ELP1: variants seen among roughly 807,000 people sequenced by gnomAD.
ELP1 encodes the protein elongator acetyltransferase complex subunit 1, also known as elongator complex protein 1.
Under a neutral mutation model 183.2 loss-of-function variants are expected in ELP1, and 131 were observed. That is an observed-to-expected ratio of 0.72 (90% CI 0.62 to 0.83). The LOEUF is 0.83. ELP1 is among the 40% of genes least tolerant of loss of function. ELP1 has a pLI of 0.00. For synonymous variants in ELP1, 555 were observed against 569.0 expected (o/e 0.98, Z 0.35); for missense variants, 1,550 against 1,594.9 (o/e 0.97, Z 0.48).
In ELP1 at chr9:108,901,292, T is replaced by C. The variant is rs1468787596; in HGVS notation, c.2014+133A>G. On this transcript the variant is annotated intron_variant, in intron 18 of 36. Transcript: ENST00000374647. ...TGTTGAGATTAGGGTCTAAGTAAAA[T>C]AACTCTAAAGATTTTCTCCAGCCTA... 8.5e-6 allele frequency: 6 copies of C among 708,562 alleles called. No individual in the cohort carries two copies. In the East Asian group the frequency reaches 1.3e-4, roughly 16 times the overall value. 43.9% of individuals were successfully genotyped at this position (708,562 alleles called of 1,614,324 possible).
At chr9:108,933,672 C>A (rs1830075180) in intron 1 of ELP1, among the ~76,000 whole-genome samples, 192 bp downstream of exon 1, 1 of 152,234 alleles carries the variant, frequency 6.6e-6, no homozygotes, top group Admixed American at 6.5e-5. Flanking sequence ...TGGGCTGTCG[C>A]GCCTCCCAGC....
At chr9:108,869,313 T>G in intron 36 of ELP1, 131 bp from the exon 37 acceptor site, 2 of 796,104 alleles carry the variant, frequency 2.5e-6, no homozygotes, top group Admixed American at 1.9e-5. Flanking sequence ...CCAGAGTTCA[T>G]GTGTCTGCTA....
chr9:108,901,385 G>A (rs764079027), intron 18 of ELP1, 40 bp downstream of exon 18: 5 of 1,396,484 alleles, frequency 3.6e-6, no homozygotes, highest in Non-Finnish European at 5.1e-6. Context: ...AAAAGACATT[G>A]GAGAAGGGAC....
At chr9:108,924,255 C>T (rs1237774616) in intron 5 of ELP1, among the ~76,000 whole-genome samples, 1 of 152,170 alleles carries the variant, frequency 6.6e-6, no homozygotes, top group African/African-American at 2.4e-5. Flanking sequence ...TTTCACACCT[C>T]AACATTAGAA....
At chr9:108,900,969 C>T (rs1459579784) in intron 18 of ELP1, among the ~76,000 whole-genome samples, 3 of 150,664 alleles carry the variant, frequency 2.0e-5, no homozygotes, top group African/African-American at 7.3e-5. Flanking sequence ...GCCACACACA[C>T]ATACACGCCA....
chr9:108,871,905 G>A (rs988187109), intron 36 of ELP1, among the ~76,000 whole-genome samples: 7 of 152,196 alleles, frequency 4.6e-5, no homozygotes, highest in Non-Finnish European at 1.0e-4. Context: ...TGCAGTGACA[G>A]CTTCATAAAT....
chr9:108,916,359 A>C (rs1829434149), intron 9 of ELP1, 62 bp from the exon 10 acceptor site: 1 of 1,268,110 alleles, frequency 7.9e-7, no homozygotes, highest in Non-Finnish European at 1.2e-6. Context: ...AAATCTTTAT[A>C]ATAGCTGTAT....
intron 6 of ELP1, among the ~76,000 whole-genome samples, chr9:108,922,589 T>C (rs994729997): frequency 4.6e-5 from 7 of 152,236 alleles, no homozygotes; most frequent in Admixed American, 4.6e-4. Context: ...ATGTTTTATT[T>C]TTTAAACTGG....
In ELP1 at chr9:108,880,066, T is replaced by C. The variant is rs1827865701; in HGVS notation, c.3446A>G (p.Gln1149Arg). Residue 1149 changes from glutamine to arginine, a missense_variant, in exon 32 of 37, where the codon CAG (glutamine) becomes CGG (arginine). Gln to Arg is a conservative substitution (Grantham distance 43, BLOSUM62 1). Transcript: ENST00000374647. ...CAGATACTCACCCAGACCTGCCTGCTGGGCTTGCTCCTTGAGCTCTCGAAC... is the reference window on the plus strand; with the variant it reads ...CAGATACTCACCCAGACCTGCCTGCCGGGCTTGCTCCTTGAGCTCTCGAAC... ...LVVRELKEQA[Q>R]QAGLDDEVPH... is the part of the protein sequence containing the mutation. 1.2e-6 allele frequency: 2 copies of C among 1,613,308 alleles called. No individual in the cohort carries two copies. The highest frequency in any genetic ancestry group is 1.7e-6 in the Non-Finnish European group (2 of 1,179,202).
chr9:108,922,212 T>G (rs1829670161), intron 6 of ELP1, among the ~76,000 whole-genome samples: 1 of 152,308 alleles, frequency 6.6e-6, no homozygotes, highest in African/African-American at 2.4e-5. Context: ...ATTGTATAAA[T>G]TAAAATAAAA....
chr9:108,896,823 G>T, intron 24 of ELP1, 130 bp downstream of exon 24: 3 of 1,063,810 alleles, frequency 2.8e-6, no homozygotes, highest in South Asian at 1.3e-5. Flanking sequence ...ACTGACAAGG[G>T]TCTTAAAATG....
chr9:108,895,114 T>G (rs551621646), intron 25 of ELP1, among the ~76,000 whole-genome samples: 49 of 152,212 alleles, frequency 3.2e-4, no homozygotes, highest in African/African-American at 1.1e-3. Context: ...CCGGGCATGG[T>G]GGTGCACGCC....
chr9:108,872,953 G>C (rs1411784615), intron 36 of ELP1, among the ~76,000 whole-genome samples: 2 of 151,360 alleles, frequency 1.3e-5, no homozygotes, highest in African/African-American at 4.9e-5. Flanking sequence ...TTTTGGGCAA[G>C]AAAGTAATTA....
rs1828552508 is a variant in ELP1, at chr9:108,896,518, A to T, written c.2714T>A (p.Met905Lys). Reference sequence around the variant, plus strand: ...TACCTTCTGTGACTTCTCAGCTACCATGAGGACCAAATCAAAGTCATAGGT... The same window carrying T: ...TACCTTCTGTGACTTCTCAGCTACCTTGAGGACCAAATCAAAGTCATAGGT... ...LGTYDFDLVL[M>K]VAEKSQKDPK... The change falls in exon 25 of 37, where the codon ATG becomes AAG. Residue 905 changes from methionine (M) to lysine (K), a missense_variant. Coordinates refer to ENST00000374647, the MANE Select transcript of ELP1 (RefSeq NM_003640.5). 1.2e-6 allele frequency: 2 copies of T among 1,614,074 alleles called. No individual in the cohort carries two copies. Among genetic ancestry groups the T allele is most frequent in the African/African-American group, 2.7e-5 (2 of 74,944 alleles).
intron 14 of ELP1, among the ~76,000 whole-genome samples, chr9:108,904,549 A>G (rs951005690): frequency 6.6e-6 from 1 of 152,230 alleles, no homozygotes; most frequent in Non-Finnish European, 1.5e-5. Context: ...ACAATAGGGA[A>G]TTCCTCTACA....
chr9:108,914,312 T>C (rs1829347164), intron 10 of ELP1, among the ~76,000 whole-genome samples: 1 of 134,200 alleles, frequency 7.5e-6, no homozygotes, highest in South Asian at 2.4e-4. Context: ...GGCAGGAAAA[T>C]GGAGTGAACC....
At chr9:108,896,335 C>T (rs1828544953) in intron 25 of ELP1, among the ~76,000 whole-genome samples, 161 bp downstream of exon 25, 1 of 152,216 alleles carries the variant, frequency 6.6e-6, no homozygotes, top group African/African-American at 2.4e-5. Context: ...TTCATAAGCA[C>T]AGGGGCTTAG....
At chr9:108,916,090 A>G in intron 10 of ELP1, 114 bp downstream of exon 10, 3 of 839,708 alleles carry the variant, frequency 3.6e-6, no homozygotes, top group Admixed American at 1.8e-5. Flanking sequence ...TACCCACTTC[A>G]GCATCTTTGA....
Position 108,896,118 on chromosome 9 carries a change from GTGGTGA to G in ELP1, c.2736+372_2736+377del, listed in dbSNP as rs1392277821. Among the ~76,000 whole-genome samples the G allele has an allele frequency of 2.6e-5, 4 of 152,092 alleles. No individual in the cohort carries two copies. The East Asian group carries it at 7.7e-4, about 29-fold the overall frequency. On this transcript the variant is annotated intron_variant, in intron 25 of 36. Transcript: ENST00000374647. ...TAAAAATACAAAAAATTAGCCGGGC[GTGGTGA>G]TGGGCACCTGTAGTCCCAGCTACTA... is the stretch of plus-strand genomic sequence containing the variant.
Sources: allele counts gnomAD v4.1 joint callset (sites outside exome capture counted in the v4.1 genomes callset), GRCh38; gene constraint gnomAD v4.1.1; transcripts MANE v1.5; gene names NCBI Gene and HGNC (gene_info 2026-07-23, HGNC 2026-07-21).